PHACTR4: variants seen among roughly 807,000 people sequenced by gnomAD.
PHACTR4 encodes phosphatase and actin regulator 4.
In PHACTR4, 51 loss-of-function variants were observed where a neutral mutation model predicts 72.7. That is an observed-to-expected ratio of 0.70 (90% CI 0.56 to 0.89). The LOEUF is 0.89. Among genes scored for constraint, PHACTR4 ranks in the 40% least tolerant of loss-of-function variants. The pLI is 0.00. For synonymous variants in PHACTR4, 255 were observed against 302.5 expected, an observed-to-expected ratio of 0.84 and a Z score of 1.63; for missense variants, 731 against 861.8, an observed-to-expected ratio of 0.85 and a Z score of 1.90.
At chr1:28,491,457 C>CAA (rs1434960780) in intron 11 of PHACTR4, among the ~76,000 whole-genome samples, 193 bp from the exon 12 acceptor site, 1 of 129,894 alleles carries the variant, frequency 7.7e-6, no homozygotes, top group African/African-American at 2.8e-5. Flanking sequence ...GACCCTGTCT[C>CAA]AAAAAAAAAA....
chr1:28,426,214 C>A (rs1290270749), intron 2 of PHACTR4, among the ~76,000 whole-genome samples: 1 of 128,252 alleles, frequency 7.8e-6, no homozygotes, highest in Non-Finnish European at 1.6e-5. Flanking sequence ...GAGCGAGAAA[C>A]CTTCTCAAAA....
At chr1:28,486,125 G>T (rs1295194477) in intron 9 of PHACTR4, among the ~76,000 whole-genome samples, 1 of 152,126 alleles carries the variant, frequency 6.6e-6, no homozygotes, top group African/African-American at 2.4e-5. Context: ...GGGAGGCCGA[G>T]GCAGGCAGAT....
intron 1 of PHACTR4, among the ~76,000 whole-genome samples, chr1:28,386,626 C>T (rs1181733903): frequency 6.6e-6 from 1 of 151,846 alleles, no homozygotes. Context: ...ATATATGTGG[C>T]GGTGTGAGCC....
intron 2 of PHACTR4, among the ~76,000 whole-genome samples, chr1:28,455,531 A>G (rs1221020283): frequency 1.3e-5 from 2 of 152,116 alleles, no homozygotes; most frequent in African/African-American, 4.8e-5. Context: ...GAAGCAGCCT[A>G]TAGCCAGAAA....
At chr1:28,438,391 C>G (rs974097654) in intron 2 of PHACTR4, 3 of 1,612,012 alleles carry the variant, frequency 1.9e-6, no homozygotes, top group African/African-American at 2.7e-5. Flanking sequence ...AATCATGGGA[C>G]AAGCTGATGT....
intron 2 of PHACTR4, among the ~76,000 whole-genome samples, chr1:28,438,592 C>T (rs1569950329): frequency 1.3e-5 from 2 of 151,972 alleles, no homozygotes; most frequent in Non-Finnish European, 2.9e-5. Flanking sequence ...CGGAACATGG[C>T]GAGAAACTTT....
At chr1:28,389,288 A>C (rs1195011012) in intron 1 of PHACTR4, among the ~76,000 whole-genome samples, 2 of 152,082 alleles carry the variant, frequency 1.3e-5, no homozygotes, top group Non-Finnish European at 2.9e-5. Context: ...GCAAATTAAA[A>C]CCACAATGAG....
chr1:28,491,503 G>C, intron 11 of PHACTR4, 147 bp from the exon 12 acceptor site: 1 of 1,049,810 alleles, frequency 9.5e-7, no homozygotes. Flanking sequence ...CATAATCACT[G>C]GGGGTGGGAC....
chr1:28,496,531 T>G lies in PHACTR4; in HGVS notation c.2094-3T>G, dbSNP rs1661374203. 6.2e-7 allele frequency: 1 copy of G among 1,613,946 alleles called. No individual in the cohort carries two copies. Among genetic ancestry groups the G allele is most frequent in the Non-Finnish European group, 8.5e-7 (1 of 1,179,886 alleles). Reference sequence around the variant, plus strand: ...AACTTGTCTCTTTTTTAATCTCTTTTAGCTACCATCGTCCATGATGCCAAA... The same window carrying G: ...AACTTGTCTCTTTTTTAATCTCTTTGAGCTACCATCGTCCATGATGCCAAA... On this transcript the variant is annotated splice_polypyrimidine_tract_variant and splice_region_variant and intron_variant, in intron 13 of 13. Coordinates refer to ENST00000373839, the MANE Select transcript of PHACTR4 (RefSeq NM_001048183.3).
At position 28,415,918 on chromosome 1, in the gene PHACTR4, G is replaced by C. The variant is rs567935872; in HGVS notation, c.16+8455G>C. ...AAGTCAATTATTTTTTTCTTATTCTGTATCTGAATTTATGAATTATTATGA... is the reference window on the plus strand; with the variant it reads ...AAGTCAATTATTTTTTTCTTATTCTCTATCTGAATTTATGAATTATTATGA... On this transcript the variant is annotated intron_variant, in intron 2 of 13. Coordinates refer to ENST00000373839, the MANE Select transcript of PHACTR4 (RefSeq NM_001048183.3). Among the ~76,000 whole-genome samples the C allele has an allele frequency of 3.1e-4, 47 of 152,112 alleles. No homozygotes were observed. In the South Asian group the frequency reaches 9.1e-3, roughly 30 times the overall value.
chr1:28,428,275 T>C (rs539074421), intron 2 of PHACTR4, among the ~76,000 whole-genome samples: 1 of 152,342 alleles, frequency 6.6e-6, no homozygotes, highest in South Asian at 2.1e-4. Flanking sequence ...TAGTTCTCAC[T>C]TTCTTCTAGG....
rs1557859886 is a variant in PHACTR4, at chr1:28,500,209, C to A, written c.*3660C>A. ...AAGTACCAACTTATATGGAAACTCA[C>A]AATCATAATGTAAAGAAGAAATGAA... On this transcript the variant is annotated 3_prime_UTR_variant, in exon 14 of 14. Coordinates refer to ENST00000373839, the MANE Select transcript of PHACTR4 (RefSeq NM_001048183.3). 6.6e-6 allele frequency: 1 copy of A among 152,046 alleles called. No homozygotes were observed. The highest frequency in any genetic ancestry group is 1.5e-5 in the Non-Finnish European group (1 of 68,020). 9.4% of individuals were successfully genotyped at this position (152,046 alleles called of 1,614,324 possible).
intron 2 of PHACTR4, among the ~76,000 whole-genome samples, chr1:28,419,050 T>TTTTTTTTTTTTTTTTTGAG (rs1210043704): frequency 6.8e-6 from 1 of 147,136 alleles, no homozygotes; most frequent in African/African-American, 2.6e-5. Context: ...GATTTTTTTC[T>TTTTTTTTTTTTTTTTTGAG]AGGGAAGTTT....
intron 1 of PHACTR4, among the ~76,000 whole-genome samples, chr1:28,373,870 T>C (rs1258748468): frequency 1.3e-5 from 2 of 152,206 alleles, no homozygotes; most frequent in Non-Finnish European, 2.9e-5. Context: ...AGGTTATAGT[T>C]AACCCAGGTA....
chr1:28,421,478 TA>T (rs1000850126), intron 2 of PHACTR4, among the ~76,000 whole-genome samples: 11 of 152,126 alleles, frequency 7.2e-5, no homozygotes, highest in Non-Finnish European at 1.3e-4. Flanking sequence ...AATCTATAGC[TA>T]TAGCTTTCCT....
At chr1:28,396,525 T>TA (rs1449222765) in intron 1 of PHACTR4, among the ~76,000 whole-genome samples, 1 of 151,214 alleles carries the variant, frequency 6.6e-6, no homozygotes, top group African/African-American at 2.4e-5. Context: ...AGCGAAACTC[T>TA]GTCTCAAAAA....
intron 2 of PHACTR4, among the ~76,000 whole-genome samples, chr1:28,455,198 C>CTTTCTTTTTTTTTTTTTTT (rs1250815977): frequency 1.2e-5 from 1 of 85,974 alleles, no homozygotes; most frequent in Non-Finnish European, 2.1e-5. Flanking sequence ...TTCTTTCTTT[C>CTTTCTTTTTTTTTTTTTTT]TTTTTTTTTT....
intron 6 of PHACTR4, among the ~76,000 whole-genome samples, chr1:28,471,121 G>A (rs1438716972): frequency 6.6e-6 from 1 of 152,150 alleles, no homozygotes; most frequent in Non-Finnish European, 1.5e-5. Flanking sequence ...GCCGAGGCGG[G>A]TGGATCACCT....
At chr1:28,478,184 C>T (rs901322696) in intron 8 of PHACTR4, among the ~76,000 whole-genome samples, 1 of 152,150 alleles carries the variant, frequency 6.6e-6, no homozygotes, top group Non-Finnish European at 1.5e-5. Context: ...TTTCACTTAA[C>T]GTAATTGTCC....
Sources: gnomAD v4.1 joint callset for allele counts (sites outside exome capture counted in the v4.1 genomes callset) on GRCh38, gnomAD v4.1.1 for gene constraint, MANE v1.5 for transcripts, NCBI Gene and HGNC (gene_info 2026-07-23, HGNC 2026-07-21) for gene names.